Variants in SLC39A10 observed in about 807,000 individuals in gnomAD.
SLC39A10 encodes zinc transporter ZIP10.
Under a neutral mutation model 65.1 loss-of-function variants are expected in SLC39A10, and 13 were observed. That is an observed-to-expected ratio of 0.20 (90% CI 0.13 to 0.32). The LOEUF (loss-of-function observed/expected upper bound fraction) is 0.32. SLC39A10 is among the 10% of genes least tolerant of loss of function. The pLI, the probability that SLC39A10 is intolerant of heterozygous loss-of-function variation, is 1.00. For missense variants in SLC39A10, 831 were observed against 1,018.4 expected (o/e 0.82, Z 2.50); for synonymous variants, 321 against 342.2 (o/e 0.94, Z 0.68).
At chr2:195,631,085 A>G (rs1372899335) in intron 2 of SLC39A10, among the ~76,000 whole-genome samples, 2 of 152,074 alleles carry the variant, frequency 1.3e-5, no homozygotes, top group African/African-American at 2.4e-5. Flanking sequence ...GCTACTCAGG[A>G]GGCTGAGCAG....
At chr2:195,685,589 CCCTCTTCACTTTCTA>C (rs1259819373) in intron 3 of SLC39A10, among the ~76,000 whole-genome samples, 4 of 152,118 alleles carry the variant, frequency 2.6e-5, no homozygotes, top group Non-Finnish European at 4.4e-5. Flanking sequence ...ATCCCTTTCT[CCCTCTTCACTTTCTA>C]AACCCCCATG....
upstream of SLC39A10, among the ~76,000 whole-genome samples, chr2:195,655,518 C>G (rs1409304177): frequency 1.3e-5 from 2 of 152,202 alleles, no homozygotes; most frequent in Admixed American, 6.5e-5. Context: ...GCTTCTTATG[C>G]TTTGCACACA....
chr2:195,718,685 A>G, intron 8 of SLC39A10, among the ~76,000 whole-genome samples: 1 of 152,182 alleles, frequency 6.6e-6, no homozygotes, highest in Non-Finnish European at 1.5e-5. Context: ...CATGTAGACT[A>G]TATTTTTAAA....
rs1334812196 is a variant in SLC39A10, at chr2:195,623,925, ACAC to A, written c.-12+17693_-12+17695del. Among the ~76,000 whole-genome samples the A allele has an allele frequency of 2.4e-4, 36 of 152,004 alleles. 1 individual carries two copies. In the East Asian group the frequency reaches 5.8e-3, roughly 24 times the overall value. On this transcript the variant is annotated intron_variant, in intron 2 of 2. Coordinates refer to the SLC39A10 transcript ENST00000458054. ...ACCACACACACACACACACACACAC[ACAC>A]ACACACACACACCGTCTTAGATATG...
At chr2:195,681,771 A>G (rs1356988237) in intron 2 of SLC39A10, among the ~76,000 whole-genome samples, 4 of 152,140 alleles carry the variant, frequency 2.6e-5, no homozygotes, top group Non-Finnish European at 5.9e-5. Flanking sequence ...TGAAAATTAA[A>G]ATTTTTTAAT....
intron 3 of SLC39A10, among the ~76,000 whole-genome samples, chr2:195,689,802 C>G (rs1209004495): frequency 1.3e-5 from 2 of 152,118 alleles, no homozygotes; most frequent in Non-Finnish European, 2.9e-5. Flanking sequence ...ATAAATAGAA[C>G]CATACATTAT....
chr2:195,728,621 G>T lies in SLC39A10; in HGVS notation c.2337+272G>T, dbSNP rs1162469258. On this transcript the variant is annotated intron_variant, in intron 9 of 9. Transcript: ENST00000359634. This position sits in a 1 kb window ranked among gnomAD's most constrained non-coding sequence, Gnocchi z 4.4. ...ATTATTATACTACTTTAAAGACTTT[G>T]TAATATTGGTGTAGAAGTGTTTTAT... Among the ~76,000 whole-genome samples, 1 of 152,064 alleles carries T rather than the reference G, an allele frequency of 6.6e-6. No homozygotes were observed. The highest frequency in any genetic ancestry group is 2.4e-5 in the African/African-American group (1 of 41,416).
chr2:195,625,433 G>C (rs1327971771), intron 2 of SLC39A10, among the ~76,000 whole-genome samples: 1 of 151,348 alleles, frequency 6.6e-6, no homozygotes, highest in Non-Finnish European at 1.5e-5. Flanking sequence ...CTGCCACCAC[G>C]CCCGGCTAAT....
chr2:195,641,218 T>C (rs1480721586), intron 2 of SLC39A10, among the ~76,000 whole-genome samples: 1 of 152,170 alleles, frequency 6.6e-6, no homozygotes, highest in African/African-American at 2.4e-5. Context: ...CAGGCAAGTT[T>C]ATAGTGATTT....
At chr2:195,694,480 C>G (rs1382870586) in intron 3 of SLC39A10, among the ~76,000 whole-genome samples, 1 of 152,104 alleles carries the variant, frequency 6.6e-6, no homozygotes, top group East Asian at 1.9e-4. Flanking sequence ...TCCCCCTTTC[C>G]TTAGGGGAGA....
intron 9 of SLC39A10, among the ~76,000 whole-genome samples, chr2:195,734,149 CCTTTT>C (rs982899534): frequency 9.1e-6 from 1 of 110,306 alleles, no homozygotes; most frequent in Non-Finnish European, 1.8e-5. Flanking sequence ...AAAGAATCTT[CCTTTT>C]TTTTTAAAAA....
rs752579565 is a variant in SLC39A10, at chr2:195,680,853, C to G, written c.811C>G (p.Arg271Gly). ...GCATAATCGGGTCCACAAACCTGAT[C>G]GTGTACATAACCCAGGTCATTCTCA... ...YEHNRVHKPD[R>G]VHNPGHSHVH... Residue 271 changes from arginine (R) to glycine (G), a missense_variant, in exon 2 of 10, where the codon CGT becomes GGT. Physicochemically the swap from Arg to Gly is moderately radical, Grantham distance 125. Transcript: ENST00000359634. 5.0e-6 allele frequency: 8 copies of G among 1,614,120 alleles called. No homozygotes were observed. In the Admixed American group the frequency reaches 1.3e-4, roughly 27 times the overall value.
At chr2:195,666,525 C>A (rs1689643169) in intron 1 of SLC39A10, among the ~76,000 whole-genome samples, 2 of 152,196 alleles carry the variant, frequency 1.3e-5, no homozygotes, top group African/African-American at 4.8e-5. Context: ...GTGGTACGAT[C>A]ACAGCTCACT....
intron 3 of SLC39A10, among the ~76,000 whole-genome samples, chr2:195,701,300 T>C (rs868600132): frequency 2.6e-5 from 4 of 151,204 alleles, no homozygotes; most frequent in African/African-American, 2.4e-5. Context: ...TACCCCTTTA[T>C]TGATACTTCC....
At chr2:195,660,409 C>G (rs1689344302) in intron 1 of SLC39A10, among the ~76,000 whole-genome samples, 1 of 152,142 alleles carries the variant, frequency 6.6e-6, no homozygotes. Flanking sequence ...AAGTGTAATT[C>G]TCATTAAAAA....
intron 1 of SLC39A10, among the ~76,000 whole-genome samples, chr2:195,675,834 G>C (rs1690063606): frequency 6.6e-6 from 1 of 152,134 alleles, no homozygotes; most frequent in African/African-American, 2.4e-5. Flanking sequence ...TGTAGTAAAT[G>C]TCAAGTTGCT....
intron 2 of SLC39A10, among the ~76,000 whole-genome samples, chr2:195,617,216 A>T (rs974014313): frequency 4.6e-5 from 7 of 152,100 alleles, no homozygotes; most frequent in African/African-American, 1.4e-4. Context: ...GATCAAAAAA[A>T]TTTTTTTGCA....
intron 1 of SLC39A10, among the ~76,000 whole-genome samples, chr2:195,669,552 G>A (rs1689768579): frequency 6.6e-6 from 1 of 152,134 alleles, no homozygotes; most frequent in Non-Finnish European, 1.5e-5. Flanking sequence ...AACAATCTAA[G>A]ACAAAATATC....
chr2:195,684,219 C>T (rs1690439388), intron 3 of SLC39A10, among the ~76,000 whole-genome samples: 1 of 151,782 alleles, frequency 6.6e-6, no homozygotes, highest in South Asian at 2.1e-4. Flanking sequence ...AATGGGACCC[C>T]CTAAATAAAG....
Sources: allele counts gnomAD v4.1 joint callset (sites outside exome capture counted in the v4.1 genomes callset), GRCh38; gene constraint gnomAD v4.1.1; non-coding constraint Gnocchi (gnomAD v3.1); transcripts MANE v1.5; gene names NCBI Gene and HGNC (gene_info 2026-07-23, HGNC 2026-07-21).